The following FGD5 variants were observed in gnomAD, a reference collection of about 807,000 sequenced individuals.
The protein encoded by FGD5 is FYVE, RhoGEF and PH domain-containing protein 5.
In FGD5, 28 loss-of-function variants were observed where a neutral mutation model predicts 133.4. That is an observed-to-expected ratio of 0.21 (90% CI 0.16 to 0.29). The LOEUF (loss-of-function observed/expected upper bound fraction) is 0.29. FGD5 is among the 10% of genes least tolerant of loss of function. The probability of loss-of-function intolerance (pLI) is 1.00; values close to 1 mark genes in which losing one functional copy is unlikely to be tolerated. For synonymous variants in FGD5, 810 were observed against 776.5 expected (o/e 1.04, Z -0.72); for missense variants, 1,858 against 1,895.2 (o/e 0.98, Z 0.36).
chr3:14,840,126 A>G (rs2036891922), intron 1 of FGD5, among the ~76,000 whole-genome samples: 1 of 145,906 alleles, frequency 6.9e-6, no homozygotes, highest in Non-Finnish European at 1.5e-5. Flanking sequence ...ACATTTACAC[A>G]TTTACATTTA....
intron 4 of FGD5, among the ~76,000 whole-genome samples, chr3:14,882,113 C>G (rs1453168678): frequency 6.6e-6 from 1 of 152,172 alleles, no homozygotes; most frequent in Non-Finnish European, 1.5e-5. Flanking sequence ...CCCCAAAGCC[C>G]TCAAGTATGA....
rs1467751617 is a variant in FGD5, at chr3:14,844,213, AAAAAATATATATATATATATATATAT to A, written c.2526-19913_2526-19888del. ...ACATCTTAATAGGCATTAAAAAAAA[AAAAAATATATATATATATATATATAT>A]ATATATATATATATATATATATATA... On this transcript the variant is annotated intron_variant, in intron 1 of 19. Transcript: ENST00000285046. Among the ~76,000 whole-genome samples the A allele has an allele frequency of 4.6e-4, 15 of 32,648 alleles. 1 individual carries two copies. Among genetic ancestry groups the A allele is most frequent in the East Asian group, 4.2e-3 (5 of 1,202 alleles). The allele number at this position is 32,648 out of a possible 152,430, so 21.4% of individuals were successfully genotyped here.
chr3:14,932,590 T>C lies in FGD5; in HGVS notation c.4211T>C (p.Leu1404Ser). 6.2e-7 allele frequency: 1 copy of C among 1,613,584 alleles called. No individual in the cohort carries two copies. The highest frequency in any genetic ancestry group is 8.5e-7 in the Non-Finnish European group (1 of 1,179,704). Residue 1404 changes from leucine to serine, a missense_variant, in exon 19 of 20, where the codon TTG becomes TCG. By Grantham distance (145) the Leu-to-Ser change is moderately radical (BLOSUM62 -2). Coordinates refer to ENST00000285046, the MANE Select transcript of FGD5 (RefSeq NM_152536.4). ...TGTCCTCTGCAGGACAAAGTGGCCTTGGAGAGTATGCCTCTGCTAGGCTTC... is the reference window on the plus strand; with the variant it reads ...TGTCCTCTGCAGGACAAAGTGGCCTCGGAGAGTATGCCTCTGCTAGGCTTC... ...TYMASEDKVA[L>S]ESMPLLGFTI...
At chr3:14,844,570 A>G (rs747625) in intron 1 of FGD5, among the ~76,000 whole-genome samples, 99,907 of 151,318 alleles carry the variant, frequency 0.66, 33,295 homozygotes, top group African/African-American at 0.74. Flanking sequence ...CCTTGGGGAC[A>G]GCCAGACCAG....
intron 2 of FGD5, among the ~76,000 whole-genome samples, chr3:14,876,250 T>C (rs2037717222): frequency 6.6e-6 from 1 of 152,208 alleles, no homozygotes; most frequent in Non-Finnish European, 1.5e-5. Context: ...CCTGTAGCTC[T>C]TTACTGATTA....
intron 17 of FGD5, 41 bp from the exon 18 acceptor site, chr3:14,926,029 A>C: frequency 1.2e-6 from 2 of 1,609,740 alleles, no homozygotes; most frequent in Non-Finnish European, 1.7e-6. Context: ...ACTGTGCCTG[A>C]CCACCGGGGT....
chr3:14,893,642 C>T (rs1309829877), intron 4 of FGD5, among the ~76,000 whole-genome samples: 1 of 152,136 alleles, frequency 6.6e-6, no homozygotes, highest in African/African-American at 2.4e-5. Context: ...GCCACCATGC[C>T]TGGCCTCTTC....
At chr3:14,863,301 T>C (rs1039869836) in intron 1 of FGD5, among the ~76,000 whole-genome samples, 1 of 152,204 alleles carries the variant, frequency 6.6e-6, no homozygotes, top group Admixed American at 6.5e-5. Flanking sequence ...GGGCACAGTC[T>C]TTTGTGGAAT....
In FGD5 at chr3:14,820,543, G is replaced by T. The variant is rs988594558; in HGVS notation, c.1472G>T (p.Gly491Val). 6.2e-7 allele frequency: 1 copy of T among 1,613,506 alleles called. No homozygotes were observed. The highest frequency in any genetic ancestry group is 8.5e-7 in the Non-Finnish European group (1 of 1,179,706). ...CGGCCCCACTCTGGGAAGGTGGCCGGCTATGTCCCAGAAACCGTCCCTGAA... is the reference window on the plus strand; with the variant it reads ...CGGCCCCACTCTGGGAAGGTGGCCGTCTATGTCCCAGAAACCGTCCCTGAA... ...RVRPHSGKVA[G>V]YVPETVPEET... is the part of the protein sequence containing the mutation. Residue 491 changes from glycine (G) to valine (V), a missense_variant, in exon 1 of 20, where the codon GGC becomes GTC. Gly to Val is a moderately radical substitution (Grantham distance 109). Transcript: ENST00000285046.
intron 4 of FGD5, among the ~76,000 whole-genome samples, chr3:14,888,225 A>C (rs914825771): frequency 1.3e-5 from 2 of 151,800 alleles, no homozygotes; most frequent in Non-Finnish European, 2.9e-5. Context: ...TACTTAATTG[A>C]TCTGTAACAG....
chr3:14,896,494 G>A (rs1303113166), intron 4 of FGD5, among the ~76,000 whole-genome samples: 1 of 151,770 alleles, frequency 6.6e-6, no homozygotes, highest in Non-Finnish European at 1.5e-5. Flanking sequence ...TTTTGAGACG[G>A]AGTTTTATTC....
intron 9 of FGD5, among the ~76,000 whole-genome samples, chr3:14,903,443 G>A (rs541376982): frequency 0.012 from 1,788 of 151,140 alleles, 40 homozygotes; most frequent in African/African-American, 0.041. Context: ...ATGCTGGTGC[G>A]CTGCACCCAC....
rs1193358855 is a variant in FGD5, at chr3:14,917,331, A to G, written c.3488A>G (p.Lys1163Arg). 4 of 1,612,394 alleles carry G rather than the reference A, an allele frequency of 2.5e-6. No homozygotes were observed. The highest frequency in any genetic ancestry group is 3.4e-6 in the Non-Finnish European group (4 of 1,179,252). ...AACACATTGGCTGTGGCCAACATGA[A>G]GGTAAATATCTGGTGCCAGGTACCC... ...LKNTLAVANM[K>R]VSRPVMEKVP... The change falls in exon 12 of 20, where the codon AAG becomes AGG. Residue 1163 changes from lysine (K) to arginine (R), a missense_variant and splice_region_variant. By Grantham distance (26) the Lys-to-Arg change is conservative. This residue lies in a region of FGD5 where 1,824 missense variants were observed against 1,848.9 expected (regional missense o/e 0.99). Coordinates refer to ENST00000285046, the MANE Select transcript of FGD5 (RefSeq NM_152536.4). The surrounding 1 kb of genome is among the most constrained non-coding windows in gnomAD (Gnocchi z 4.1).
intron 1 of FGD5, among the ~76,000 whole-genome samples, chr3:14,860,695 C>T (rs963367641): frequency 7.9e-5 from 12 of 152,008 alleles, no homozygotes; most frequent in African/African-American, 1.9e-4. Context: ...TAAAAGGGTC[C>T]GGGTGTGGTG....
chr3:14,819,549 G>T lies in FGD5; in HGVS notation c.478G>T (p.Val160Leu), dbSNP rs1400730892. 22 of 1,551,344 alleles carry T rather than the reference G, an allele frequency of 1.4e-5. No homozygotes were observed. Among genetic ancestry groups the T allele is most frequent in the African/African-American group, 5.5e-5 (4 of 73,024 alleles). Residue 160 changes from valine (V) to leucine (L), a missense_variant, in exon 1 of 20, where the codon GTG (valine) becomes TTG (leucine). Val to Leu is a conservative substitution (Grantham distance 32, BLOSUM62 1). This residue lies in a region of FGD5 where 1,824 missense variants were observed against 1,848.9 expected (regional missense o/e 0.99). Transcript: ENST00000285046. The surrounding 1 kb of genome is among the most constrained non-coding windows in gnomAD (Gnocchi z 4.1). ...CADEPGTLEQ[V>L]SRSEEEEKLV... Reference sequence around the variant, plus strand: ...TGATGAGCCAGGGACACTGGAGCAGGTGTCCAGAAGTGAGGAGGAAGAGAA... The same window carrying T: ...TGATGAGCCAGGGACACTGGAGCAGTTGTCCAGAAGTGAGGAGGAAGAGAA...
chr3:14,832,427 A>C (rs1217940280), intron 1 of FGD5, among the ~76,000 whole-genome samples: 1 of 152,166 alleles, frequency 6.6e-6, no homozygotes. Context: ...TAAGGTGAGG[A>C]CTTAAGGTCA....
intron 1 of FGD5, among the ~76,000 whole-genome samples, chr3:14,856,046 A>AT (rs1055583607): frequency 2.0e-4 from 30 of 151,638 alleles, no homozygotes; most frequent in Non-Finnish European, 2.5e-4. Flanking sequence ...TTTGAGGTTG[A>AT]TTTTTTTTAT....
In FGD5 at chr3:14,880,852, A is replaced by C; in HGVS notation, c.2748+80A>C. 9 of 1,548,394 alleles carry C rather than the reference A, an allele frequency of 5.8e-6. No individual in the cohort carries two copies. In the South Asian group the frequency reaches 9.4e-5, roughly 16 times the overall value. On this transcript the variant is annotated intron_variant, in intron 4 of 19. Coordinates refer to ENST00000285046, the MANE Select transcript of FGD5 (RefSeq NM_152536.4). ...TATAAGAGGCAGGAAAGCAATGTGGAGACAGAGGTGATTTCCATTAACAGA... is the reference window on the plus strand; with the variant it reads ...TATAAGAGGCAGGAAAGCAATGTGGCGACAGAGGTGATTTCCATTAACAGA...
chr3:14,845,640 G>A (rs1361992850), intron 1 of FGD5, among the ~76,000 whole-genome samples: 1 of 152,200 alleles, frequency 6.6e-6, no homozygotes, highest in Non-Finnish European at 1.5e-5. Context: ...CAGAGACCCA[G>A]ACCCTGGAGC....
Sources: gnomAD v4.1 joint callset for allele counts (sites outside exome capture counted in the v4.1 genomes callset) on GRCh38, gnomAD v4.1.1 for gene constraint, gnomAD v4.1.1 regional missense constraint, Gnocchi (gnomAD v3.1) non-coding constraint, MANE v1.5 for transcripts, NCBI Gene and HGNC (gene_info 2026-07-23, HGNC 2026-07-21) for gene names.